The following CACNA1G variants were observed in gnomAD, a reference collection of about 807,000 sequenced individuals.
CACNA1G encodes calcium voltage-gated channel subunit alpha1 G, also known as voltage-dependent T-type calcium channel subunit alpha-1G.
CACNA1G carries 67 observed loss-of-function variants against 219.4 expected under a neutral mutation model. The observed-to-expected ratio is 0.31, with a 90% CI of 0.25 to 0.37. The LOEUF (loss-of-function observed/expected upper bound fraction) is 0.37. Ranked by LOEUF, CACNA1G falls within the 10% of genes least tolerant of loss-of-function variation. The pLI is 1.00. For missense variants in CACNA1G, 2,380 were observed against 3,231.4 expected, an observed-to-expected ratio of 0.74 and a Z score of 6.39; for synonymous variants, 1,296 against 1,345.3, an observed-to-expected ratio of 0.96 and a Z score of 0.80.
intron 34 of CACNA1G, among the ~76,000 whole-genome samples, chr17:50,620,314 A>G (rs2051523018): frequency 6.6e-6 from 1 of 152,094 alleles, no homozygotes; most frequent in African/African-American, 2.4e-5. Flanking sequence ...TAAGCCATGG[A>G]GCCCACTGGG....
In CACNA1G at chr17:50,624,644, G is replaced by T. The variant is rs181824702; in HGVS notation, c.6399+115G>T. ...CAAATATTTATTGTGTGCCAGTGAT[G>T]TGCCAGGCTCAGTTGCAGATACCAG... On this transcript the variant is annotated intron_variant, in intron 37 of 37. Coordinates refer to ENST00000359106, the MANE Select transcript of CACNA1G (RefSeq NM_018896.5). The T allele has an allele frequency of 5.3e-3, 5,764 of 1,093,794 alleles. 35 individuals carry two copies. The highest frequency in any genetic ancestry group is 0.013 in the Middle Eastern group (47 of 3,608). The allele number at this position is 1,093,794 out of a possible 1,614,324, so 67.8% of individuals were successfully genotyped here. A position where few individuals can be genotyped will look rare whatever the true frequency, so the allele number is the denominator to read the frequency against.
chr17:50,599,985 A>G (rs530222132), intron 17 of CACNA1G, 126 bp downstream of exon 17: 263 of 931,514 alleles, frequency 2.8e-4, no homozygotes, highest in Non-Finnish European at 4.0e-4. Flanking sequence ...GCACCTAGAA[A>G]CCGAGCTCCA....
chr17:50,623,818 CGCT>C (rs2052899808), intron 35 of CACNA1G, 86 bp from the exon 36 acceptor site: 1 of 1,372,286 alleles, frequency 7.3e-7, no homozygotes, highest in East Asian at 2.5e-5. Context: ...GGGCGGGGGG[CGCT>C]GCTGCTTTCT....
chr17:50,616,481 T>G, intron 28 of CACNA1G, 97 bp downstream of exon 28: 1 of 712,828 alleles, frequency 1.4e-6, no homozygotes, highest in South Asian at 2.1e-5. Context: ...TCTAAGACTT[T>G]TCTTAATTCC....
rs1255145428 is a variant in CACNA1G, at chr17:50,602,905, T to C, written c.3984+17T>C. ...ACAGTGAAGGTGATGGGGGCTGGTG[T>C]TGGCTTGGGACCTCTGGTTCCTGGT... On this transcript the variant is annotated intron_variant, in intron 20 of 37. Transcript: ENST00000359106. 47 of 1,613,292 alleles carry C rather than the reference T, an allele frequency of 2.9e-5. No individual in the cohort carries two copies. Among genetic ancestry groups the C allele is most frequent in the Middle Eastern group, 1.6e-4 (1 of 6,078 alleles).
At position 50,603,266 on chromosome 17, in the gene CACNA1G, G is replaced by T; in HGVS notation, c.4169+67G>T. On this transcript the variant is annotated intron_variant, in intron 21 of 37. Transcript: ENST00000359106. The surrounding 1 kb of genome is among the most constrained non-coding windows in gnomAD (Gnocchi z 6.4). Reference sequence around the variant, plus strand: ...CCCCTCCGCAGGGACATCTCCCACCGCCAGCACTCCCTGCCACGAAACAAA... The same window carrying T: ...CCCCTCCGCAGGGACATCTCCCACCTCCAGCACTCCCTGCCACGAAACAAA... 1 of 1,375,748 alleles carries T rather than the reference G, an allele frequency of 7.3e-7. No individual in the cohort carries two copies. Among genetic ancestry groups the T allele is most frequent in the South Asian group, 1.3e-5 (1 of 79,660 alleles). 85.2% of individuals were successfully genotyped at this position (1,375,748 alleles called of 1,614,324 possible).
At chr17:50,619,940 G>A in intron 34 of CACNA1G, 114 bp downstream of exon 34, 2 of 1,114,694 alleles carry the variant, frequency 1.8e-6, no homozygotes, top group South Asian at 3.4e-5. Context: ...TCTGTAGAAA[G>A]TGCAGCCTTG....
intron 11 of CACNA1G, 44 bp downstream of exon 11, chr17:50,591,664 C>A (rs2044362958): frequency 6.2e-7 from 1 of 1,609,522 alleles, no homozygotes; most frequent in African/African-American, 1.3e-5. Context: ...ACCGGCCAGG[C>A]TGGGGGCAGG....
At chr17:50,607,282 T>C in intron 24 of CACNA1G, 1 of 425,656 alleles carries the variant, frequency 2.3e-6, no homozygotes, top group South Asian at 2.0e-5. Context: ...GGCAAGAGGA[T>C]CACTTGAGGC....
chr17:50,569,392 C>A, intron 3 of CACNA1G, 94 bp downstream of exon 3: 1 of 1,325,128 alleles, frequency 7.5e-7, no homozygotes, highest in Non-Finnish European at 1.1e-6. Flanking sequence ...AGCTCCAGCC[C>A]AGTTACAGCA....
chr17:50,566,775 C>T (rs1484210258), intron 1 of CACNA1G, among the ~76,000 whole-genome samples: 2 of 152,246 alleles, frequency 1.3e-5, no homozygotes, highest in African/African-American at 2.4e-5. Context: ...GGCACTACAG[C>T]AAGCTCCGTA....
rs749906043 is a variant in CACNA1G at position 50,592,023 on chromosome 17, C to T, written c.2841C>T (p.Leu947=). The T allele has an allele frequency of 6.2e-7, 1 of 1,614,004 alleles. No homozygotes were observed. Among genetic ancestry groups the T allele is most frequent in the Non-Finnish European group, 8.5e-7 (1 of 1,179,872 alleles). ...GGGCGGCCCTTTATTTCATTGCCCT[C>T]ATGACCTTCGGCAACTACGTGCTCT... The part of the protein sequence containing the change: ...SSWAALYFIA[L]MTFGNYVLFN... The change falls in exon 13 of 38, where the codon CTC becomes CTT. Residue 947 remains leucine (L), a synonymous_variant. Transcript: ENST00000359106.
chr17:50,572,521 A>G (rs1234785252), intron 5 of CACNA1G, 33 bp from the exon 6 acceptor site: 3 of 1,491,286 alleles, frequency 2.0e-6, no homozygotes, highest in South Asian at 1.4e-5. Context: ...CCCACTCCCC[A>G]GTCTCACCCC....
chr17:50,561,690 G>C lies in CACNA1G; in HGVS notation c.231G>C (p.Thr77=). The C allele has an allele frequency of 3.1e-6, 5 of 1,601,356 alleles. No individual in the cohort carries two copies. The highest frequency in any genetic ancestry group is 1.7e-4 in the Middle Eastern group (1 of 5,984). The change falls in exon 1 of 38, where the codon ACG becomes ACC. Residue 77 remains threonine (T), a synonymous_variant. Coordinates refer to ENST00000359106, the MANE Select transcript of CACNA1G (RefSeq NM_018896.5). ...GCCCGCGGAGCTGGTGTCTCCGCAC[G>C]GTCTGTAACCCATATCCTTCGGGGC... is the stretch of plus-strand genomic sequence containing the variant. ...DSRPRSWCLR[T]VCNPWFERIS...
Position 50,626,600 on chromosome 17 carries a change from G to C in CACNA1G, c.6983G>C (p.Gly2328Ala). The C allele has an allele frequency of 6.2e-7, 1 of 1,612,528 alleles. No homozygotes were observed. ...SQGPRTPPSP[G>A]ICLRRRAPSS... ...GGTCCTCGGACCCCGCCCAGCCCTGGTATCTGCCTCCGGAGGAGGGCTCCG... is the reference window on the plus strand; with the variant it reads ...GGTCCTCGGACCCCGCCCAGCCCTGCTATCTGCCTCCGGAGGAGGGCTCCG... Residue 2328 changes from glycine (G) to alanine (A), a missense_variant, in exon 38 of 38, where the codon GGT becomes GCT. Gly to Ala is a moderately conservative substitution (Grantham distance 60). Coordinates refer to ENST00000359106, the MANE Select transcript of CACNA1G (RefSeq NM_018896.5). The surrounding 1 kb of genome is among the most constrained non-coding windows in gnomAD (Gnocchi z 4.3).
intron 16 of CACNA1G, among the ~76,000 whole-genome samples, chr17:50,597,853 G>A (rs2045878205): frequency 6.6e-6 from 1 of 152,030 alleles, no homozygotes; most frequent in Admixed American, 6.6e-5. Context: ...ACTTCTATGA[G>A]TTCAATTTTT....
At position 50,578,549 on chromosome 17, in the gene CACNA1G, C is replaced by T. The variant is rs1427522772; in HGVS notation, c.2286C>T (p.Ile762=). 5 of 1,557,984 alleles carry T rather than the reference C, an allele frequency of 3.2e-6. No individual in the cohort carries two copies. The highest frequency in any genetic ancestry group is 3.5e-6 in the Non-Finnish European group (4 of 1,150,774). ...TGGTCAACACACTCAGCATGGGCAT[C>T]GAATACCACGAGCAGGTAGGAGAGT... is the stretch of plus-strand genomic sequence containing the variant. The part of the protein sequence containing the change: ...AILVNTLSMG[I]EYHEQPEELT... The change falls in exon 9 of 38, where the codon ATC becomes ATT. Residue 762 remains isoleucine (I), a synonymous_variant. Coordinates refer to ENST00000359106, the MANE Select transcript of CACNA1G (RefSeq NM_018896.5). This position sits in a 1 kb window ranked among gnomAD's most constrained non-coding sequence, Gnocchi z 4.5.
In CACNA1G at chr17:50,571,869, C is replaced by A. The variant is rs1459936223; in HGVS notation, c.587-9C>A. On this transcript the variant is annotated splice_polypyrimidine_tract_variant and intron_variant, in intron 4 of 37. Coordinates refer to ENST00000359106, the MANE Select transcript of CACNA1G (RefSeq NM_018896.5). The surrounding 1 kb of genome is among the most constrained non-coding windows in gnomAD (Gnocchi z 4.3). The stretch of plus-strand genomic sequence containing the variant: ...CCTGGTGTCCCCAGCGTGGCTTCTG[C>A]CCCCACAGGCATGCGCATCCTTGTC... The A allele has an allele frequency of 1.2e-6, 2 of 1,612,990 alleles. No homozygotes were observed. Among genetic ancestry groups the A allele is most frequent in the Non-Finnish European group, 1.7e-6 (2 of 1,179,748 alleles).
intron 1 of CACNA1G, among the ~76,000 whole-genome samples, chr17:50,566,217 T>C (rs981987290): frequency 6.6e-6 from 1 of 152,042 alleles, no homozygotes; most frequent in Non-Finnish European, 1.5e-5. Flanking sequence ...TGACACATCC[T>C]CCTGTCGTTA....
Sources: gnomAD v4.1 joint callset for allele counts (sites outside exome capture counted in the v4.1 genomes callset) on GRCh38, gnomAD v4.1.1 for gene constraint, Gnocchi (gnomAD v3.1) non-coding constraint, MANE v1.5 for transcripts, NCBI Gene and HGNC (gene_info 2026-07-23, HGNC 2026-07-21) for gene names.